The following ANXA8 variants were observed in gnomAD, a reference collection of about 807,000 sequenced individuals.
ANXA8 encodes the protein annexin A8.
A neutral mutation model predicts 26.8 loss-of-function variants in ANXA8; 9 were observed. The ratio of observed to expected loss-of-function variants is 0.34; its 90% CI spans 0.20 to 0.59. The LOEUF is 0.59. Among genes scored for constraint, ANXA8 ranks in the 20% least tolerant of loss-of-function variants. ANXA8 has a pLI of 0.84. For synonymous variants in ANXA8, 39 were observed against 94.8 expected, an observed-to-expected ratio of 0.41 and a Z score of 3.42; for missense variants, 83 against 238.5, an observed-to-expected ratio of 0.35 and a Z score of 4.29.
At chr10:47,695,950 T>G in the ANXA8 span, among the ~76,000 whole-genome samples, 1 of 151,772 alleles carries the variant, frequency 6.6e-6, no homozygotes, top group African/African-American at 2.4e-5. Context: ...TAGGGAAAAA[T>G]AATCAAGTAT....
chr10:47,684,733 G>A, the ANXA8 span, among the ~76,000 whole-genome samples: 1 of 151,364 alleles, frequency 6.6e-6, no homozygotes, highest in African/African-American at 2.4e-5. Flanking sequence ...TTACAGGTGT[G>A]TGCCACCACT....
At chr10:47,474,843 G>A in intron 7 of ANXA8, 102 bp downstream of exon 7, 1 of 1,407,544 alleles carries the variant, frequency 7.1e-7, no homozygotes, top group Non-Finnish European at 9.7e-7. Context: ...AGCTGAGCTG[G>A]GTGGGTCCCA....
the ANXA8 span, among the ~76,000 whole-genome samples, chr10:47,566,416 C>G: frequency 1.3e-5 from 2 of 151,696 alleles, no homozygotes; most frequent in Non-Finnish European, 2.9e-5. Flanking sequence ...TTGCCACAAA[C>G]TGAGCCGCAG....
chr10:47,631,334 G>A, the ANXA8 span, among the ~76,000 whole-genome samples: 2 of 151,880 alleles, frequency 1.3e-5, no homozygotes, highest in African/African-American at 4.8e-5. Flanking sequence ...TAGTATATCT[G>A]GTAAGTAAGA....
At chr10:47,638,137 AT>A in the ANXA8 span, among the ~76,000 whole-genome samples, 1 of 91,746 alleles carries the variant, frequency 1.1e-5, no homozygotes, top group African/African-American at 5.9e-5. Flanking sequence ...GCTTAGACGT[AT>A]GTAATTACTT....
the ANXA8 span, among the ~76,000 whole-genome samples, chr10:47,665,738 G>A: frequency 6.6e-6 from 1 of 150,932 alleles, no homozygotes; most frequent in Non-Finnish European, 1.5e-5. Context: ...CTTTTCCATG[G>A]CTCTTAGGAA....
chr10:47,974,835 A>G, the ANXA8 span, among the ~76,000 whole-genome samples: 1 of 149,760 alleles, frequency 6.7e-6, no homozygotes, highest in Non-Finnish European at 1.5e-5. Flanking sequence ...ATCTGAGAAT[A>G]TGTTCTGTGT....
the ANXA8 span, among the ~76,000 whole-genome samples, chr10:47,521,579 AT>A: frequency 7.0e-6 from 1 of 142,694 alleles, no homozygotes; most frequent in Non-Finnish European, 1.5e-5. Context: ...AGCCAACTGG[AT>A]TTAATATGTT....
the ANXA8 span, among the ~76,000 whole-genome samples, chr10:47,688,220 A>G: frequency 2.0e-5 from 3 of 148,370 alleles, no homozygotes; most frequent in African/African-American, 7.5e-5. Flanking sequence ...CAGCCTCCCT[A>G]GTAGCTGGGA....
the ANXA8 span, among the ~76,000 whole-genome samples, chr10:47,979,294 G>GA: frequency 8.6e-5 from 13 of 151,604 alleles, no homozygotes; most frequent in South Asian, 1.5e-3. Context: ...TAGAAGATCT[G>GA]AAAAAAACAG....
chr10:47,699,162 C>A, the ANXA8 span, among the ~76,000 whole-genome samples: 1 of 150,802 alleles, frequency 6.6e-6, no homozygotes, highest in Admixed American at 6.6e-5. Context: ...GCCTGGCCAA[C>A]ATAGCAAAAC....
the ANXA8 span, chr10:47,763,237 G>A: frequency 2.0e-6 from 2 of 985,844 alleles, no homozygotes; most frequent in Non-Finnish European, 2.4e-6. Context: ...CTTGGGCAGG[G>A]ATGCGGCGCT....
chr10:47,587,899 G>T, the ANXA8 span, among the ~76,000 whole-genome samples: 5,128 of 145,938 alleles, frequency 0.035, 1,212 homozygotes, highest in African/African-American at 0.14. Context: ...ACACTACCTG[G>T]CTGTGAACTG....
chr10:47,951,232 C>T, the ANXA8 span, among the ~76,000 whole-genome samples: 1 of 150,140 alleles, frequency 6.7e-6, no homozygotes, highest in African/African-American at 2.5e-5. Flanking sequence ...TTACTAAAGC[C>T]CAGTGAAGAA....
At chr10:47,581,019 T>C in the ANXA8 span, among the ~76,000 whole-genome samples, 4 of 150,206 alleles carry the variant, frequency 2.7e-5, no homozygotes, top group South Asian at 8.4e-4. Flanking sequence ...GAGGTTTCAG[T>C]GAGGCGAGAT....
chr10:47,691,251 G>C, the ANXA8 span: 2 of 1,301,616 alleles, frequency 1.5e-6, no homozygotes, highest in South Asian at 2.6e-5. Context: ...ATGGTATAGT[G>C]GTAGCTTATT....
the ANXA8 span, among the ~76,000 whole-genome samples, chr10:47,674,653 G>A: frequency 1.3e-5 from 2 of 151,712 alleles, no homozygotes; most frequent in African/African-American, 2.4e-5. Flanking sequence ...CTCCTCAAGG[G>A]CAAAGTGTCT....
chr10:47,495,396 C>A, the ANXA8 span, among the ~76,000 whole-genome samples: 9 of 150,508 alleles, frequency 6.0e-5, no homozygotes, highest in Non-Finnish European at 1.3e-4. Context: ...AGAGATCCTC[C>A]TGCCTCAGCC....
the ANXA8 span, among the ~76,000 whole-genome samples, chr10:47,519,425 G>A: frequency 1.7e-5 from 2 of 119,282 alleles, no homozygotes; most frequent in Admixed American, 8.7e-5. Flanking sequence ...CCAAGATTGT[G>A]CCATTGCACT....
Sources: gnomAD v4.1 joint callset for allele counts (sites outside exome capture counted in the v4.1 genomes callset) on GRCh38, gnomAD v4.1.1 for gene constraint, MANE v1.5 for transcripts, NCBI Gene and HGNC (gene_info 2026-07-23, HGNC 2026-07-21) for gene names.